B4GALNT4: variants seen among roughly 807,000 people sequenced by gnomAD.
B4GALNT4 encodes N-acetyl-beta-glucosaminyl-glycoprotein 4-beta-N-acetylgalactosaminyltransferase 1.
B4GALNT4 carries 77 observed loss-of-function variants against 110.0 expected under a neutral mutation model. That is an observed-to-expected ratio of 0.70 (90% CI 0.58 to 0.85). The LOEUF is 0.85. B4GALNT4 is among the 40% of genes least tolerant of loss of function. The probability of loss-of-function intolerance (pLI) is 0.00; values close to 1 mark genes in which losing one functional copy is unlikely to be tolerated. For missense variants in B4GALNT4, 1,575 were observed against 1,506.0 expected (o/e 1.05, Z -0.76); for synonymous variants, 785 against 655.5 (o/e 1.20, Z -3.02).
rs775988668 is a variant in B4GALNT4 at position 380,330 on chromosome 11, C to T, written c.2754C>T (p.Ile918=). ...SSIVFLCDLH[I]HFPPNILDGI... is the part of the protein sequence containing the mutation. Reference sequence around the variant, plus strand: ...TCGTGTTCCTCTGCGACCTGCACATCCACTTCCCACCCAACATCCTGGACG... The same window carrying T: ...TCGTGTTCCTCTGCGACCTGCACATTCACTTCCCACCCAACATCCTGGACG... Residue 918 remains isoleucine, a synonymous_variant, in exon 18 of 20, where the codon ATC becomes ATT. Coordinates refer to ENST00000329962, the MANE Select transcript of B4GALNT4 (RefSeq NM_178537.5). 3 of 1,613,236 alleles carry T rather than the reference C, an allele frequency of 1.9e-6. No homozygotes were observed. Among genetic ancestry groups the T allele is most frequent in the African/African-American group, 2.7e-5 (2 of 74,890 alleles).
rs757919891 is a variant in B4GALNT4, at chr11:375,762, C to T, written c.974C>T (p.Thr325Ile). Reference sequence around the variant, plus strand: ...ATGCTGCGGCCAGATCCCAGGGATACCTTTTTCCTCAGTGAGAGGGGGCCC... The same window carrying T: ...ATGCTGCGGCCAGATCCCAGGGATATCTTTTTCCTCAGTGAGAGGGGGCCC... ...ADMLRPDPRD[T>I]FFLTPRMESS... The change falls in exon 10 of 20, where the codon ACC becomes ATC. Residue 325 changes from threonine (T) to isoleucine (I), a missense_variant. Physicochemically the swap from Thr to Ile is moderately conservative, Grantham distance 89. Transcript: ENST00000329962. 36 of 1,598,352 alleles carry T rather than the reference C, an allele frequency of 2.3e-5. No homozygotes were observed. The highest frequency in any genetic ancestry group is 2.7e-5 in the Non-Finnish European group (32 of 1,176,000).
chr11:380,342 C>G lies in B4GALNT4; in HGVS notation c.2766C>G (p.Pro922=). ...FLCDLHIHFP[P]NILDGIRKHC... ...GCGACCTGCACATCCACTTCCCACC[C>G]AACATCCTGGACGGCATCCGCAAGC... Residue 922 remains proline (P), a synonymous_variant, in exon 18 of 20, where the codon CCC becomes CCG. Transcript: ENST00000329962. 6.2e-7 allele frequency: 1 copy of G among 1,613,396 alleles called. No individual in the cohort carries two copies. Among genetic ancestry groups the G allele is most frequent in the Non-Finnish European group, 8.5e-7 (1 of 1,179,766 alleles).
Position 376,357 on chromosome 11 carries a change from T to G in B4GALNT4, c.1297+6T>G, listed in dbSNP as rs753540546. 1 of 1,605,908 alleles carries G rather than the reference T, an allele frequency of 6.2e-7. No individual in the cohort carries two copies. The highest frequency in any genetic ancestry group is 1.7e-5 in the Admixed American group (1 of 59,512). On this transcript the variant is annotated splice_donor_region_variant and intron_variant, in intron 13 of 19. Transcript: ENST00000329962. The stretch of plus-strand genomic sequence containing the variant: ...CCTCTTCCTCAACCCGGACGGTGAG[T>G]GTCCGCAGCGCCCCTGGCCCGCACC...
rs772713906 is a variant in B4GALNT4, at chr11:373,416, C to CG, written c.637-33_637-32insG. ...CCCCAGGGAGAGAGTGAACCCCCCC[C>CG]CCCACCACCACCCCTGCTCTATCAC... is the stretch of plus-strand genomic sequence containing the variant. On this transcript the variant is annotated intron_variant, in intron 6 of 19. Coordinates refer to ENST00000329962, the MANE Select transcript of B4GALNT4 (RefSeq NM_178537.5). 56 of 1,102,268 alleles carry CG rather than the reference C, an allele frequency of 5.1e-5. 3 individuals are homozygous for CG. The highest frequency in any genetic ancestry group is 2.4e-4 in the Middle Eastern group (1 of 4,216). The allele number at this position is 1,102,268 out of a possible 1,614,324, so 68.3% of individuals were successfully genotyped here.
rs367971241 is a variant in B4GALNT4, at chr11:379,941, G to A, written c.2564G>A (p.Arg855His). ...CTGCACGCGCGCACCGGGGACTCGCGTTTCAGCGTCGTCCTGGTGGATTTC... is the reference window on the plus strand; with the variant it reads ...CTGCACGCGCGCACCGGGGACTCGCATTTCAGCGTCGTCCTGGTGGATTTC... ...AALHARTGDS[R>H]FSVVLVDFES... The change falls in exon 16 of 20, where the codon CGT (arginine) becomes CAT (histidine). Residue 855 changes from arginine to histidine, a missense_variant. Physicochemically the swap from Arg to His is conservative, Grantham distance 29. Coordinates refer to ENST00000329962, the MANE Select transcript of B4GALNT4 (RefSeq NM_178537.5). The A allele has an allele frequency of 1.4e-5, 22 of 1,611,926 alleles. No homozygotes were observed. Among genetic ancestry groups the A allele is most frequent in the Admixed American group, 1.7e-5 (1 of 59,974 alleles).
intron 8 of B4GALNT4, 75 bp from the exon 9 acceptor site, chr11:375,386 G>A (rs948788637): frequency 6.0e-6 from 9 of 1,506,856 alleles, no homozygotes; most frequent in South Asian, 3.4e-5. Flanking sequence ...CCCCGGCCCT[G>A]AGCCAGGGTA....
chr11:371,929 G>T (rs1000436225), intron 1 of B4GALNT4, among the ~76,000 whole-genome samples, 180 bp from the exon 2 acceptor site: 25 of 152,200 alleles, frequency 1.6e-4, no homozygotes, highest in African/African-American at 5.5e-4. Flanking sequence ...TGCCTTGCTG[G>T]GGGGAGGGGC....
At chr11:379,311 C>G (rs1236632197) in intron 14 of B4GALNT4, 107 bp from the exon 15 acceptor site, 2 of 1,283,066 alleles carry the variant, frequency 1.6e-6, no homozygotes, top group Non-Finnish European at 2.0e-6. Context: ...AGCCCGCAGC[C>G]TCCGCCAACT....
At position 369,652 on chromosome 11, in the gene B4GALNT4, A is replaced by C. The variant is rs1338487277; in HGVS notation, c.-152A>C. 3.6e-6 allele frequency: 1 copy of C among 277,044 alleles called. No homozygotes were observed. Among genetic ancestry groups the C allele is most frequent in the South Asian group, 1.4e-4 (1 of 7,156 alleles). 17.2% of individuals were successfully genotyped at this position (277,044 alleles called of 1,614,324 possible). A position where few individuals can be genotyped will look rare whatever the true frequency, so the allele number is the denominator to read the frequency against. ...GGCGGCCTGGGGGGGTCGCGGCCGC[A>C]CCCGGTGGCCGCGCACGGCGGACAA... On this transcript the variant is annotated 5_prime_UTR_variant, in exon 1 of 20. Coordinates refer to ENST00000329962, the MANE Select transcript of B4GALNT4 (RefSeq NM_178537.5).
In B4GALNT4 at chr11:381,867, G is replaced by T; in HGVS notation, c.*75G>T. On this transcript the variant is annotated 3_prime_UTR_variant, in exon 20 of 20. Transcript: ENST00000329962. ...GGGGCTGGGCTTTGAGCTCGGTCCCGAGAGACCCGGCAGGGCTGGTCAGAG... is the reference window on the plus strand; with the variant it reads ...GGGGCTGGGCTTTGAGCTCGGTCCCTAGAGACCCGGCAGGGCTGGTCAGAG... 1 of 1,445,768 alleles carries T rather than the reference G, an allele frequency of 6.9e-7. No individual in the cohort carries two copies. The allele number at this position is 1,445,768 out of a possible 1,614,324, so 89.6% of individuals were successfully genotyped here. A position where few individuals can be genotyped will look rare whatever the true frequency, so the allele number is the denominator to read the frequency against.
At position 372,893 on chromosome 11, in the gene B4GALNT4, T is replaced by TG; in HGVS notation, c.395dup (p.Ala133ArgfsTer113). On this transcript the variant is annotated frameshift_variant, in exon 4 of 20. Coordinates refer to ENST00000329962, the MANE Select transcript of B4GALNT4 (RefSeq NM_178537.5). LOFTEE classifies it high-confidence loss of function. Reference sequence around the variant, plus strand: ...ACCTGCACGTGTTTGAGGACTGGTGTGGGGGCGCCGTGGGCCACCTGAGGA... The same window carrying TG: ...ACCTGCACGTGTTTGAGGACTGGTGTGGGGGGCGCCGTGGGCCACCTGAGGA... The TG allele has an allele frequency of 6.7e-7, 1 of 1,490,326 alleles. No homozygotes were observed. The highest frequency in any genetic ancestry group is 9.0e-7 in the Non-Finnish European group (1 of 1,108,622). The allele number at this position is 1,490,326 out of a possible 1,614,324, so 92.3% of individuals were successfully genotyped here.
Position 381,668 on chromosome 11 carries a change from G to A in B4GALNT4, c.2997-1G>A. On this transcript the variant is annotated splice_acceptor_variant, in intron 19 of 19. Coordinates refer to ENST00000329962, the MANE Select transcript of B4GALNT4 (RefSeq NM_178537.5). LOFTEE classifies it high-confidence loss of function. ...GACCACCTCTCTGCCCCCGGCCCCA[G>A]GGTCCTGCAGGCAGGGCTGGAGGTG... 6.3e-7 allele frequency: 1 copy of A among 1,586,386 alleles called. No homozygotes were observed. The highest frequency in any genetic ancestry group is 8.6e-7 in the Non-Finnish European group (1 of 1,167,894).
intron 14 of B4GALNT4, among the ~76,000 whole-genome samples, chr11:378,785 A>G (rs571905428): frequency 1.3e-5 from 2 of 152,160 alleles, no homozygotes; most frequent in East Asian, 3.9e-4. Context: ...AGCCTCCTCC[A>G]CTCAGGGATC....
intron 19 of B4GALNT4, 95 bp downstream of exon 19, chr11:381,046 A>G: frequency 1.3e-6 from 2 of 1,513,442 alleles, no homozygotes; most frequent in East Asian, 2.5e-5. Flanking sequence ...CACGGCGCCC[A>G]CATGCTGAGA....
chr11:377,320 C>G lies in B4GALNT4; in HGVS notation c.2197C>G (p.His733Asp). ...GTACATGGAGCGGCTGAACGCGCGC[C>G]ACGGCGGGTATGGGGGCGGCCGAAC... The part of the protein sequence containing the change: ...AQYMERLNAR[H>D]GGRFALLRIV... Residue 733 changes from histidine (H) to aspartate (D), a missense_variant, in exon 14 of 20, where the codon CAC becomes GAC. Transcript: ENST00000329962. The G allele has an allele frequency of 6.5e-7, 1 of 1,539,136 alleles. No homozygotes were observed. The highest frequency in any genetic ancestry group is 8.7e-7 in the Non-Finnish European group (1 of 1,146,110).
Position 373,008 on chromosome 11 carries a change from C to G in B4GALNT4, c.445-18C>G. The G allele has an allele frequency of 6.2e-7, 1 of 1,612,578 alleles. No individual in the cohort carries two copies. Among genetic ancestry groups the G allele is most frequent in the Non-Finnish European group, 8.5e-7 (1 of 1,179,878 alleles). ...GGCACGCAGGGGGCTTCGACAGCAA[C>G]AGTCACTGCCCCCCCAGACGCGCAC... On this transcript the variant is annotated intron_variant, in intron 4 of 19. Coordinates refer to ENST00000329962, the MANE Select transcript of B4GALNT4 (RefSeq NM_178537.5).
intron 1 of B4GALNT4, among the ~76,000 whole-genome samples, chr11:371,105 C>T (rs1328010078): frequency 6.6e-6 from 1 of 152,186 alleles, no homozygotes; most frequent in Non-Finnish European, 1.5e-5. Context: ...GGGGTCTAAG[C>T]CCAACCAGGA....
At chr11:375,394 G>A (rs1321976443) in intron 8 of B4GALNT4, 67 bp from the exon 9 acceptor site, 3 of 1,545,364 alleles carry the variant, frequency 1.9e-6, no homozygotes, top group East Asian at 2.2e-5. Context: ...CTGAGCCAGG[G>A]TAGACCCTTT....
chr11:373,547 C>CT, intron 7 of B4GALNT4, 31 bp downstream of exon 7: 1 of 1,607,100 alleles, frequency 6.2e-7, no homozygotes, highest in Non-Finnish European at 8.5e-7. Context: ...TGTGCGTGCA[C>CT]TTGTGTATTC....
Sources: gnomAD v4.1 joint callset for allele counts (sites outside exome capture counted in the v4.1 genomes callset) on GRCh38, gnomAD v4.1.1 for gene constraint, MANE v1.5 for transcripts, NCBI Gene and HGNC (gene_info 2026-07-23, HGNC 2026-07-21) for gene names.